HDAC4: variants seen among roughly 807,000 people sequenced by gnomAD.
The protein encoded by HDAC4 is histone deacetylase A.
In HDAC4, 16 loss-of-function variants were observed where a neutral mutation model predicts 135.1. The ratio of observed to expected loss-of-function variants is 0.12; its 90% CI spans 0.08 to 0.18. The LOEUF (loss-of-function observed/expected upper bound fraction) is 0.18, where lower values mean the gene tolerates loss of function less well. Ranked by LOEUF, HDAC4 falls within the 10% of genes least tolerant of loss-of-function variation. The probability of loss-of-function intolerance (pLI) is 1.00; values close to 1 mark genes in which losing one functional copy is unlikely to be tolerated. For missense variants in HDAC4, 1,143 were observed against 1,511.8 expected (o/e 0.76, Z 4.05); for synonymous variants, 685 against 653.4 (o/e 1.05, Z -0.74).
intron 23 of HDAC4, chr2:239,067,093 T>C: frequency 1.7e-6 from 1 of 598,270 alleles, no homozygotes; most frequent in Non-Finnish European, 3.0e-6. Flanking sequence ...GCAAATCATC[T>C]GCTTTAGGGG....
chr2:239,223,603 G>C (rs901762735), intron 3 of HDAC4, among the ~76,000 whole-genome samples: 2 of 152,144 alleles, frequency 1.3e-5, no homozygotes, highest in African/African-American at 4.8e-5. Context: ...ATGAACACAC[G>C]GTACGTAGCT....
At chr2:239,255,587 A>AGATGACCATC (rs2049007745) in intron 2 of HDAC4, among the ~76,000 whole-genome samples, 1 of 152,176 alleles carries the variant, frequency 6.6e-6, no homozygotes, top group African/African-American at 2.4e-5. Context: ...AATTGTACGC[A>AGATGACCATC]CAGGCACCAA....
chr2:239,052,233 C>G lies in HDAC4; in HGVS notation c.*864G>C, dbSNP rs766587130. 21 of 152,368 alleles carry G rather than the reference C, an allele frequency of 1.4e-4. No homozygotes were observed. The highest frequency in any genetic ancestry group is 2.6e-4 in the Non-Finnish European group (18 of 68,044). 9.4% of individuals were successfully genotyped at this position (152,368 alleles called of 1,614,324 possible). A position where few individuals can be genotyped will look rare whatever the true frequency, so the allele number is the denominator to read the frequency against. On this transcript the variant is annotated 3_prime_UTR_variant, in exon 27 of 27. Transcript: ENST00000543185. ...AACAGGGACCGCCGGGCTGCAGCCC[C>G]TGGCCCCGGAGATGACGGCTGGTGC...
chr2:239,319,474 C>A (rs1036060175), intron 2 of HDAC4, among the ~76,000 whole-genome samples: 1 of 152,242 alleles, frequency 6.6e-6, no homozygotes, highest in African/African-American at 2.4e-5. Flanking sequence ...CCGAGCAAGG[C>A]GCCCTGGTCA....
chr2:239,190,112 C>T lies in HDAC4; in HGVS notation c.95-35G>A. 5 of 1,588,830 alleles carry T rather than the reference C, an allele frequency of 3.1e-6. No homozygotes were observed. In the South Asian group the frequency reaches 5.6e-5, roughly 18 times the overall value. On this transcript the variant is annotated intron_variant, in intron 3 of 26. Transcript: ENST00000543185. ...AAACAAGCAGGAGAGCCGGTCACTGCCGCCCTTTGCTGTCCCTGGGCCCCA... is the reference window on the plus strand; with the variant it reads ...AAACAAGCAGGAGAGCCGGTCACTGTCGCCCTTTGCTGTCCCTGGGCCCCA...
At chr2:239,214,860 T>C (rs924232383) in intron 3 of HDAC4, among the ~76,000 whole-genome samples, 15 of 152,236 alleles carry the variant, frequency 9.9e-5, no homozygotes, top group East Asian at 9.7e-4. Flanking sequence ...TGGAGAGAAA[T>C]AGGAGTCAAG....
At position 239,352,898 on chromosome 2, in the gene HDAC4, C is replaced by T. The variant is rs906820809; in HGVS notation, c.-199G>A. ...AACCCACAAGTTGAACAGAGGCGTC[C>T]GCTGGCTTCTGCAGATGAACCTGCA... On this transcript the variant is annotated 5_prime_UTR_variant, in exon 2 of 27. Coordinates refer to ENST00000543185, the MANE Select transcript of HDAC4 (RefSeq NM_001378414.1). The surrounding 1 kb of genome is among the most constrained non-coding windows in gnomAD (Gnocchi z 4.4). 4.5e-5 allele frequency: 28 copies of T among 619,642 alleles called. No individual in the cohort carries two copies. The highest frequency in any genetic ancestry group is 4.0e-4 in the African/African-American group (22 of 54,472). 38.4% of individuals were successfully genotyped at this position (619,642 alleles called of 1,614,324 possible).
chr2:239,156,904 C>A (rs2042459625), intron 6 of HDAC4, 131 bp from the exon 7 acceptor site: 2 of 1,033,298 alleles, frequency 1.9e-6, no homozygotes, highest in Non-Finnish European at 1.5e-6. Context: ...ACACCTTTTC[C>A]CTAGGGTCAA....
chr2:239,145,862 T>C (rs111801303), intron 7 of HDAC4, among the ~76,000 whole-genome samples: 27 of 152,306 alleles, frequency 1.8e-4, no homozygotes, highest in African/African-American at 6.0e-4. Context: ...GACTTCACTC[T>C]TTGGGACGTG....
At chr2:239,217,255 G>A (rs1330293584) in intron 3 of HDAC4, among the ~76,000 whole-genome samples, 1 of 152,104 alleles carries the variant, frequency 6.6e-6, no homozygotes, top group African/African-American at 2.4e-5. Flanking sequence ...GAGGCCCGTC[G>A]ACTCCCCTTC....
chr2:239,255,086 A>G (rs2048980907), intron 2 of HDAC4, among the ~76,000 whole-genome samples: 2 of 152,272 alleles, frequency 1.3e-5, no homozygotes, highest in Admixed American at 1.3e-4. Flanking sequence ...AAACTTGAGT[A>G]CTTACCATTC....
chr2:239,161,438 G>A (rs2042786940), intron 6 of HDAC4, among the ~76,000 whole-genome samples: 1 of 152,118 alleles, frequency 6.6e-6, no homozygotes, highest in Admixed American at 6.5e-5. Context: ...CTAGGCTCAG[G>A]TCTATGACAT....
chr2:239,189,015 T>A (rs1335407269), intron 4 of HDAC4, among the ~76,000 whole-genome samples: 1 of 152,246 alleles, frequency 6.6e-6, no homozygotes, highest in Non-Finnish European at 1.5e-5. Flanking sequence ...AGCAAGACAA[T>A]ACAAACTTGC....
chr2:239,375,974 G>GC (rs1694977367), intron 1 of HDAC4, among the ~76,000 whole-genome samples: 1 of 152,354 alleles, frequency 6.6e-6, no homozygotes, highest in South Asian at 2.1e-4. Context: ...CCTGCTGGAC[G>GC]CCCTGGGGCC....
intron 12 of HDAC4, among the ~76,000 whole-genome samples, chr2:239,124,736 T>TTATATGACATTCC (rs1559475436): frequency 1.2e-4 from 2 of 16,920 alleles, no homozygotes; most frequent in African/African-American, 5.4e-4. Context: ...GGCGTGTGGC[T>TTATATGACATTCC]GCGTTATATG....
intron 2 of HDAC4, among the ~76,000 whole-genome samples, chr2:239,348,507 T>C (rs1692883271): frequency 6.6e-6 from 1 of 152,182 alleles, no homozygotes; most frequent in Non-Finnish European, 1.5e-5. Flanking sequence ...ACAAGGACAG[T>C]TACTTGGAGA....
chr2:239,205,391 C>G (rs1327585518), intron 3 of HDAC4, among the ~76,000 whole-genome samples: 1 of 152,074 alleles, frequency 6.6e-6, no homozygotes, highest in Admixed American at 6.6e-5. Context: ...GAAATGCAGT[C>G]ACAGAAGCCA....
chr2:239,063,721 G>A (rs993549013), intron 24 of HDAC4, among the ~76,000 whole-genome samples: 32 of 152,242 alleles, frequency 2.1e-4, no homozygotes, highest in African/African-American at 7.2e-4. Flanking sequence ...CTGTCCTCCC[G>A]TGAGGTGCCT....
intron 9 of HDAC4, among the ~76,000 whole-genome samples, chr2:239,135,323 T>A (rs115627783): frequency 6.6e-4 from 101 of 152,156 alleles, no homozygotes; most frequent in African/African-American, 2.4e-3. Context: ...ATACTGGCCA[T>A]GTATGAGGCA....
Sources: allele counts gnomAD v4.1 joint callset (sites outside exome capture counted in the v4.1 genomes callset), GRCh38; gene constraint gnomAD v4.1.1; non-coding constraint Gnocchi (gnomAD v3.1); transcripts MANE v1.5; gene names NCBI Gene and HGNC (gene_info 2026-07-23, HGNC 2026-07-21).